DDHD1: variants seen among roughly 807,000 people sequenced by gnomAD.
DDHD1 encodes the protein DDHD domain containing 1.
In DDHD1, 49 loss-of-function variants were observed where a neutral mutation model predicts 96.4. That is an observed-to-expected ratio of 0.51 (90% CI 0.40 to 0.64). The LOEUF (loss-of-function observed/expected upper bound fraction) is 0.64. Ranked by LOEUF, DDHD1 falls within the 30% of genes least tolerant of loss-of-function variation. DDHD1 has a pLI of 0.00. For missense variants in DDHD1, 1,106 were observed against 1,161.2 expected (o/e 0.95, Z 0.69); for synonymous variants, 442 against 446.5 (o/e 0.99, Z 0.13).
At chr14:53,133,808 G>A (rs1025762976) in intron 1 of DDHD1, among the ~76,000 whole-genome samples, 1 of 152,096 alleles carries the variant, frequency 6.6e-6, no homozygotes, top group South Asian at 2.1e-4. Flanking sequence ...CAGATTCCCA[G>A]TCATATGAAG....
rs1881334526 is a variant in DDHD1, at chr14:53,037,300, G to T, written c.*9468C>A. On this transcript the variant is annotated 3_prime_UTR_variant, in exon 13 of 13. Transcript: ENST00000673822. Reference sequence around the variant, plus strand: ...AACCCATATGCTGGGTTGAATGGTAGATCTGTTTTAAGTTATTTGAGAAAT... The same window carrying T: ...AACCCATATGCTGGGTTGAATGGTATATCTGTTTTAAGTTATTTGAGAAAT... 1 of 152,114 alleles carries T rather than the reference G, an allele frequency of 6.6e-6. No individual in the cohort carries two copies. Among genetic ancestry groups the T allele is most frequent in the Non-Finnish European group, 1.5e-5 (1 of 67,990 alleles). 9.4% of individuals were successfully genotyped at this position (152,114 alleles called of 1,614,324 possible).
At position 53,153,178 on chromosome 14, in the gene DDHD1, G is replaced by A. The variant is rs1105538; in HGVS notation, c.-80C>T. 31,334 of 1,196,064 alleles carry A rather than the reference G, an allele frequency of 0.026. 1,979 individuals carry two copies. The highest frequency in any genetic ancestry group is 0.23 in the African/African-American group (14,452 of 61,600). The allele number at this position is 1,196,064 out of a possible 1,614,324, so 74.1% of individuals were successfully genotyped here. On this transcript the variant is annotated 5_prime_UTR_variant, in exon 1 of 13. Coordinates refer to ENST00000673822, the MANE Select transcript of DDHD1 (RefSeq NM_001160148.2). ...CTTCCGCCACACATTCAACGCCGCC[G>A]CCCTCTCCACCCGAAGTTTCTAATC...
At chr14:53,132,523 C>A (rs1201979961) in intron 1 of DDHD1, among the ~76,000 whole-genome samples, 2 of 152,160 alleles carry the variant, frequency 1.3e-5, no homozygotes, top group Non-Finnish European at 2.9e-5. Context: ...GCTCTGCCCC[C>A]CTCCACTACC....
intron 2 of DDHD1, among the ~76,000 whole-genome samples, chr14:53,095,909 A>G (rs1332049304): frequency 6.6e-6 from 1 of 152,136 alleles, no homozygotes; most frequent in African/African-American, 2.4e-5. Context: ...ATCTTAAACC[A>G]TTTTAATGTT....
chr14:53,093,638 A>G (rs759716306), intron 2 of DDHD1, 194 bp from the exon 3 acceptor site: 7 of 593,246 alleles, frequency 1.2e-5, no homozygotes, highest in South Asian at 1.2e-4. Context: ...TATTTTATAA[A>G]TGATTAATCC....
Position 53,043,604 on chromosome 14 carries a change from T to C in DDHD1, c.*3164A>G, listed in dbSNP as rs879879711. The C allele has an allele frequency of 8.5e-5, 13 of 152,120 alleles. No individual in the cohort carries two copies. Among genetic ancestry groups the C allele is most frequent in the Admixed American group, 8.5e-4 (13 of 15,268 alleles). The allele number at this position is 152,120 out of a possible 1,614,324, so 9.4% of individuals were successfully genotyped here. A position where few individuals can be genotyped will look rare whatever the true frequency, so the allele number is the denominator to read the frequency against. ...CAACACACCCAGCTAATCTTTGCAT[T>C]TTTTGTAGAGTCTGGGTTTCACCAT... On this transcript the variant is annotated 3_prime_UTR_variant, in exon 13 of 13. Transcript: ENST00000673822.
intron 1 of DDHD1, among the ~76,000 whole-genome samples, chr14:53,115,417 C>T (rs1212035192): frequency 6.6e-6 from 1 of 152,106 alleles, no homozygotes; most frequent in Non-Finnish European, 1.5e-5. Context: ...CCCCAAGACA[C>T]ATAATGATCA....
chr14:53,142,430 T>C (rs933837446), intron 1 of DDHD1, among the ~76,000 whole-genome samples: 5 of 151,696 alleles, frequency 3.3e-5, no homozygotes, highest in African/African-American at 7.3e-5. Flanking sequence ...ATAAGAAGAA[T>C]TGTGGGCCAT....
chr14:53,105,554 T>C (rs762913231), intron 1 of DDHD1, among the ~76,000 whole-genome samples: 9 of 152,204 alleles, frequency 5.9e-5, no homozygotes, highest in Non-Finnish European at 1.0e-4. Flanking sequence ...TACTCTGTCA[T>C]ACTGAATAGT....
rs953433376 is a variant in DDHD1, at chr14:53,039,602, G to A, written c.*7166C>T. 1.3e-5 allele frequency: 2 copies of A among 152,268 alleles called. No individual in the cohort carries two copies. Among genetic ancestry groups the A allele is most frequent in the Non-Finnish European group, 2.9e-5 (2 of 68,082 alleles). 9.4% of individuals were successfully genotyped at this position (152,268 alleles called of 1,614,324 possible). On this transcript the variant is annotated 3_prime_UTR_variant, in exon 13 of 13. Transcript: ENST00000673822. ...GATCCAAAAGGAGGGGAAACAGGAT[G>A]CTGGGCAGACAAAAACAGGTAGCCA...
chr14:53,059,291 C>G (rs952316747), intron 8 of DDHD1, among the ~76,000 whole-genome samples: 1 of 152,074 alleles, frequency 6.6e-6, no homozygotes, highest in Admixed American at 6.5e-5. Flanking sequence ...GTCACCCAGG[C>G]TGGAGTGCAG....
chr14:53,049,126 C>A (rs1317918596), intron 12 of DDHD1: 1 of 152,184 alleles, frequency 6.6e-6, no homozygotes. Flanking sequence ...CACTGCCTTT[C>A]ATTGAGTAGG....
chr14:53,065,490 G>A (rs897082601), intron 6 of DDHD1, among the ~76,000 whole-genome samples: 4 of 152,092 alleles, frequency 2.6e-5, no homozygotes, highest in Non-Finnish European at 4.4e-5. Context: ...TTGAAGTAAG[G>A]GCCAAAGGCT....
chr14:53,053,380 T>C (rs1882771202), intron 11 of DDHD1: 1 of 152,150 alleles, frequency 6.6e-6, no homozygotes, highest in South Asian at 2.1e-4. Context: ...CTTGCAATTA[T>C]AAAATTTTCA....
rs1393275326 is a variant in DDHD1 at position 53,041,031 on chromosome 14, TGA to T, written c.*5735_*5736del. The T allele has an allele frequency of 6.6e-6, 1 of 151,872 alleles. No individual in the cohort carries two copies. Among genetic ancestry groups the T allele is most frequent in the African/African-American group, 2.4e-5 (1 of 41,324 alleles). 9.4% of individuals were successfully genotyped at this position (151,872 alleles called of 1,614,324 possible). A position where few individuals can be genotyped will look rare whatever the true frequency, so the allele number is the denominator to read the frequency against. ...GAAGCTCAAAGGGAAACAAAAAGTT[TGA>T]GAGATCAAGCAGGGACCGCAGTGGG... On this transcript the variant is annotated 3_prime_UTR_variant, in exon 13 of 13. Transcript: ENST00000673822.
intron 2 of DDHD1, 170 bp from the exon 3 acceptor site, chr14:53,093,614 A>G: frequency 1.4e-6 from 1 of 729,214 alleles, no homozygotes; most frequent in Non-Finnish European, 2.1e-6. Context: ...GAAGCAAGTA[A>G]TGGATAGGGA....
intron 4 of DDHD1, 76 bp from the exon 5 acceptor site, chr14:53,073,923 A>C (rs146154591): frequency 0.015 from 19,282 of 1,303,160 alleles, 193 homozygotes; most frequent in Non-Finnish European, 0.018. Context: ...TATGAGATAA[A>C]ATGTGTTTAA....
intron 1 of DDHD1, among the ~76,000 whole-genome samples, chr14:53,137,930 T>C (rs1465194275): frequency 6.6e-6 from 1 of 152,088 alleles, no homozygotes; most frequent in Non-Finnish European, 1.5e-5. Context: ...AGCTGAAAGT[T>C]AGAAGAACAA....
chr14:53,152,239 C>G, intron 1 of DDHD1, 22 bp downstream of exon 1: 1 of 1,579,694 alleles, frequency 6.3e-7, no homozygotes, highest in Non-Finnish European at 8.6e-7. Context: ...CCGTCCTGCC[C>G]TAACCCCGGC....
Sources: gnomAD v4.1 joint callset for allele counts (sites outside exome capture counted in the v4.1 genomes callset) on GRCh38, gnomAD v4.1.1 for gene constraint, MANE v1.5 for transcripts, NCBI Gene and HGNC (gene_info 2026-07-23, HGNC 2026-07-21) for gene names.